The following MCPH1 variants were observed in gnomAD, a reference collection of about 807,000 sequenced individuals.
MCPH1 encodes the protein microcephalin.
MCPH1 carries 104 observed loss-of-function variants against 84.5 expected under a neutral mutation model. That is an observed-to-expected ratio of 1.23 (90% CI 1.05 to 1.45). The LOEUF (loss-of-function observed/expected upper bound fraction) is 1.45. Among genes scored for constraint, MCPH1 ranks in the 40% most tolerant of loss-of-function variants. The pLI, the probability that MCPH1 is intolerant of heterozygous loss-of-function variation, is 0.00. For synonymous variants in MCPH1, 514 were observed against 366.8 expected (o/e 1.40, Z -4.58); for missense variants, 1,498 against 1,005.7 (o/e 1.49, Z -6.62).
chr8:6,637,300 G>A (rs113300786), intron 13 of MCPH1, among the ~76,000 whole-genome samples: 2 of 152,188 alleles, frequency 1.3e-5, no homozygotes, highest in Admixed American at 1.3e-4. Context: ...GGTGAGTATA[G>A]AGAGGAGGAG....
chr8:6,604,527 C>G (rs750197087), intron 12 of MCPH1, among the ~76,000 whole-genome samples: 5 of 152,228 alleles, frequency 3.3e-5, no homozygotes, highest in Non-Finnish European at 7.3e-5. Context: ...TGTTTTGAGA[C>G]GGAGTCTCAC....
At chr8:6,535,258 G>C (rs1820273653) in intron 12 of MCPH1, among the ~76,000 whole-genome samples, 1 of 152,184 alleles carries the variant, frequency 6.6e-6, no homozygotes, top group South Asian at 2.1e-4. Context: ...TACTGAGTCA[G>C]ATGTGTTTGC....
intron 12 of MCPH1, among the ~76,000 whole-genome samples, chr8:6,591,495 C>T (rs9657426): frequency 6.6e-6 from 1 of 152,192 alleles, no homozygotes; most frequent in Non-Finnish European, 1.5e-5. Context: ...GTCAGTGGAA[C>T]ATAGGCATCT....
At chr8:6,464,490 A>G (rs1252420572) in intron 9 of MCPH1, among the ~76,000 whole-genome samples, 1 of 152,174 alleles carries the variant, frequency 6.6e-6, no homozygotes, top group Non-Finnish European at 1.5e-5. Flanking sequence ...TTGTTCACTA[A>G]CTGATTTTGC....
rs541040257 is a variant in MCPH1, at chr8:6,425,677, C to T, written c.234-5822C>T. ...AGGCACACGTTTTCCTGGGTTGAAT[C>T]AAGCCCTTCCTTAAACTGCTAACTT... On this transcript the variant is annotated intron_variant, in intron 3 of 13. Coordinates refer to ENST00000344683, the MANE Select transcript of MCPH1 (RefSeq NM_024596.5). Among the ~76,000 whole-genome samples, 18 of 152,342 alleles carry T rather than the reference C, an allele frequency of 1.2e-4. No individual in the cohort carries two copies. In the South Asian group the frequency reaches 3.5e-3, roughly 30 times the overall value.
chr8:6,599,892 A>G (rs1216168377), intron 12 of MCPH1, among the ~76,000 whole-genome samples: 1 of 152,278 alleles, frequency 6.6e-6, no homozygotes, highest in African/African-American at 2.4e-5. Context: ...GAAACCAAAG[A>G]AAAACAATAA....
At chr8:6,627,382 C>G in intron 13 of MCPH1, 1 of 793,274 alleles carries the variant, frequency 1.3e-6, no homozygotes, top group Non-Finnish European at 1.5e-6. Flanking sequence ...CCAAGGACGG[C>G]CTCATTTTAT....
intron 12 of MCPH1, among the ~76,000 whole-genome samples, chr8:6,534,066 G>C (rs1257869776): frequency 6.6e-6 from 1 of 152,012 alleles, no homozygotes; most frequent in Non-Finnish European, 1.5e-5. Context: ...CCTCAGCCTG[G>C]TCACTAAGGC....
At chr8:6,487,320 GAT>G (rs1317806696) in intron 11 of MCPH1, among the ~76,000 whole-genome samples, 1 of 152,150 alleles carries the variant, frequency 6.6e-6, no homozygotes, top group Admixed American at 6.5e-5. Context: ...AGTCAGATGA[GAT>G]ATGTTTTTAT....
intron 12 of MCPH1, among the ~76,000 whole-genome samples, chr8:6,594,182 C>G (rs566557528): frequency 6.6e-6 from 1 of 152,230 alleles, no homozygotes; most frequent in Non-Finnish European, 1.5e-5. Flanking sequence ...CCCCCGCTCC[C>G]CGTGTGCCCA....
At chr8:6,495,847 A>G (rs1163707913) in intron 11 of MCPH1, among the ~76,000 whole-genome samples, 1 of 152,204 alleles carries the variant, frequency 6.6e-6, no homozygotes, top group African/African-American at 2.4e-5. Flanking sequence ...ACTGTTTGAA[A>G]TCAACTACAT....
intron 4 of MCPH1, 73 bp downstream of exon 4, chr8:6,431,659 T>G (rs977259629): frequency 9.9e-6 from 10 of 1,014,582 alleles, no homozygotes; most frequent in Non-Finnish European, 1.5e-5. Flanking sequence ...TTCTAGAAAA[T>G]AAAACTTCTA....
At chr8:6,447,445 T>C in intron 8 of MCPH1, 1 of 984,638 alleles carries the variant, frequency 1.0e-6, no homozygotes, top group Non-Finnish European at 1.2e-6. Context: ...GTTGTCAGTA[T>C]CTAAGATACA....
rs1168109718 is a variant in MCPH1, at chr8:6,604,573, C to T, written c.2215-16881C>T. ...AGGCTGGAGTGCAGTGGCGCAAACT[C>T]GGCTCACTGCAATCTCTGCCTTTCA... On this transcript the variant is annotated intron_variant, in intron 12 of 13. Transcript: ENST00000344683. Among the ~76,000 whole-genome samples, 6 of 152,370 alleles carry T rather than the reference C, an allele frequency of 3.9e-5. No homozygotes were observed. In the South Asian group the frequency reaches 8.3e-4, roughly 21 times the overall value.
intron 13 of MCPH1, among the ~76,000 whole-genome samples, chr8:6,636,081 G>T (rs1041275287): frequency 6.6e-6 from 1 of 152,214 alleles, no homozygotes; most frequent in African/African-American, 2.4e-5. Flanking sequence ...GCTCACGCCT[G>T]TAATCCCAGC....
intron 3 of MCPH1, among the ~76,000 whole-genome samples, chr8:6,429,300 G>T (rs1377062543): frequency 6.6e-6 from 1 of 152,174 alleles, no homozygotes; most frequent in East Asian, 1.9e-4. Flanking sequence ...CATGGACCCA[G>T]TGCCCCCATT....
intron 13 of MCPH1, 184 bp from the exon 14 acceptor site, chr8:6,642,810 T>A (rs1258030178): frequency 3.0e-6 from 2 of 660,650 alleles, no homozygotes; most frequent in African/African-American, 1.8e-5. Flanking sequence ...TTTCATTGTA[T>A]TGAATTTCGT....
At chr8:6,479,371 T>A (rs1032063220) in intron 10 of MCPH1, among the ~76,000 whole-genome samples, 2 of 152,040 alleles carry the variant, frequency 1.3e-5, no homozygotes, top group Admixed American at 1.3e-4. Context: ...GTAATATAAT[T>A]TTTGGAGAGG....
intron 1 of MCPH1, among the ~76,000 whole-genome samples, chr8:6,407,423 GA>G (rs1468743669): frequency 2.0e-5 from 3 of 152,114 alleles, no homozygotes; most frequent in African/African-American, 7.2e-5. Context: ...AGTCAGTGCT[GA>G]CAGGGCCTTA....
Sources: allele counts gnomAD v4.1 joint callset (sites outside exome capture counted in the v4.1 genomes callset), GRCh38; gene constraint gnomAD v4.1.1; transcripts MANE v1.5; gene names NCBI Gene and HGNC (gene_info 2026-07-23, HGNC 2026-07-21).